LGI2: variants seen among roughly 807,000 people sequenced by gnomAD.
LGI2 encodes leucine-rich repeat LGI family member 2.
In LGI2, 30 loss-of-function variants were observed where a neutral mutation model predicts 52.0. That is an observed-to-expected ratio of 0.58 (90% CI 0.43 to 0.78). The LOEUF (loss-of-function observed/expected upper bound fraction) is 0.78, where lower values mean the gene tolerates loss of function less well. Ranked by LOEUF, LGI2 falls within the 30% of genes least tolerant of loss-of-function variation. LGI2 has a pLI of 0.00. For synonymous variants in LGI2, 270 were observed against 271.8 expected (o/e 0.99, Z 0.06); for missense variants, 573 against 692.5 (o/e 0.83, Z 1.94).
chr4:25,025,874 C>T (rs1288167485), intron 3 of LGI2, among the ~76,000 whole-genome samples: 3 of 152,156 alleles, frequency 2.0e-5, no homozygotes, highest in South Asian at 2.1e-4. Flanking sequence ...GATGAACTAT[C>T]GTAAGAGAAA....
rs572547530 is a variant in LGI2 at position 25,016,037 on chromosome 4, TGAGA to T, written c.655+1948_655+1951del. Reference sequence around the variant, plus strand: ...CTTGTTCATGAAGACAAATACTGCATGAGACAGAGAAGGCTCTAAAATGTGTTAA... The same window carrying T: ...CTTGTTCATGAAGACAAATACTGCATCAGAGAAGGCTCTAAAATGTGTTAA... On this transcript the variant is annotated intron_variant, in intron 6 of 7. Transcript: ENST00000382114. Among the ~76,000 whole-genome samples the T allele has an allele frequency of 1.5e-3, 235 of 152,326 alleles. 2 individuals carry two copies. Among genetic ancestry groups the T allele is most frequent in the African/African-American group, 5.4e-3 (224 of 41,584 alleles).
chr4:25,003,393 T>C lies in LGI2; in HGVS notation c.*58A>G. ...GCTTTGATTTGTTTGTTGATTTTTC[T>C]TGGTCCTCTTTTGTGAGAGCTAATG... On this transcript the variant is annotated 3_prime_UTR_variant, in exon 8 of 8. Transcript: ENST00000382114. The C allele has an allele frequency of 8.2e-7, 1 of 1,213,314 alleles. No individual in the cohort carries two copies. The highest frequency in any genetic ancestry group is 1.2e-6 in the Non-Finnish European group (1 of 868,386). The allele number at this position is 1,213,314 out of a possible 1,614,324, so 75.2% of individuals were successfully genotyped here.
intron 5 of LGI2, among the ~76,000 whole-genome samples, chr4:25,018,410 C>T (rs1036989311): frequency 6.6e-6 from 1 of 152,206 alleles, no homozygotes; most frequent in Non-Finnish European, 1.5e-5. Flanking sequence ...TCAGCGAGGA[C>T]ATATCATCTC....
chr4:25,024,729 G>T, intron 4 of LGI2, 91 bp downstream of exon 4: 3 of 819,684 alleles, frequency 3.7e-6, no homozygotes. Flanking sequence ...ATTTCCTTCA[G>T]GGACAGTTAC....
chr4:25,017,959 T>C (rs1440242973), intron 6 of LGI2, 30 bp downstream of exon 6: 1 of 1,552,538 alleles, frequency 6.4e-7, no homozygotes, highest in Admixed American at 2.0e-5. Flanking sequence ...ATTCTAAATA[T>C]CCGTGTCTGA....
Position 25,030,815 on chromosome 4 carries a change from T to G in LGI2, c.-122A>C, listed in dbSNP as rs1057322212. 1.8e-4 allele frequency: 80 copies of G among 439,410 alleles called. No homozygotes were observed. In the Middle Eastern group the frequency reaches 3.1e-3, roughly 17 times the overall value. The allele number at this position is 439,410 out of a possible 1,614,324, so 27.2% of individuals were successfully genotyped here. A position where few individuals can be genotyped will look rare whatever the true frequency, so the allele number is the denominator to read the frequency against. On this transcript the variant is annotated 5_prime_UTR_variant, in exon 1 of 8. Transcript: ENST00000382114. ...TGCCGCCGCCGCTGCTGGCGAGGAC[T>G]AGGGAGCCGCGGGTGTGGGAGGCCG...
chr4:25,016,555 A>C (rs989304063), intron 6 of LGI2, among the ~76,000 whole-genome samples: 1 of 152,224 alleles, frequency 6.6e-6, no homozygotes, highest in African/African-American at 2.4e-5. Flanking sequence ...ACTGTGGGGC[A>C]CCTGTCAATT....
chr4:24,999,690 A>G lies in LGI2; in HGVS notation c.*3761T>C, dbSNP rs539976526. Reference sequence around the variant, plus strand: ...ACCTTCATTATACCCCAGGCCAGAGAAATTTCCATCATGAGCACTCCTGAC... The same window carrying G: ...ACCTTCATTATACCCCAGGCCAGAGGAATTTCCATCATGAGCACTCCTGAC... On this transcript the variant is annotated 3_prime_UTR_variant, in exon 8 of 8. Transcript: ENST00000382114. The G allele has an allele frequency of 2.6e-6, 1 of 385,146 alleles. No individual in the cohort carries two copies. The highest frequency in any genetic ancestry group is 1.9e-5 in the South Asian group (1 of 51,942). 23.9% of individuals were successfully genotyped at this position (385,146 alleles called of 1,614,324 possible). A position where few individuals can be genotyped will look rare whatever the true frequency, so the allele number is the denominator to read the frequency against.
chr4:25,028,027 A>G (rs1413206251), intron 2 of LGI2, among the ~76,000 whole-genome samples: 1 of 152,236 alleles, frequency 6.6e-6, no homozygotes, highest in Non-Finnish European at 1.5e-5. Context: ...ATGGGATCAT[A>G]AGCATGCCTT....
At chr4:25,010,945 A>C (rs925089162) in intron 7 of LGI2, among the ~76,000 whole-genome samples, 1 of 151,980 alleles carries the variant, frequency 6.6e-6, no homozygotes, top group African/African-American at 2.4e-5. Context: ...AGCTGGGTGC[A>C]GTGGTGTGTG....
In LGI2 at chr4:24,998,938, A is replaced by ATG. The variant is rs1440668550; in HGVS notation, c.*4512_*4513insCA. On this transcript the variant is annotated 3_prime_UTR_variant, in exon 8 of 8. Coordinates refer to ENST00000382114, the MANE Select transcript of LGI2 (RefSeq NM_018176.4). Reference sequence around the variant, plus strand: ...TATACCCTATTTACCAAAAAGAGCTAAATATGTATACAGCCTAAAATACAT... The same window carrying ATG: ...TATACCCTATTTACCAAAAAGAGCTATGAATATGTATACAGCCTAAAATACAT... The ATG allele has an allele frequency of 6.6e-6, 1 of 152,266 alleles. No individual in the cohort carries two copies. Among genetic ancestry groups the ATG allele is most frequent in the Non-Finnish European group, 1.5e-5 (1 of 68,048 alleles). 9.4% of individuals were successfully genotyped at this position (152,266 alleles called of 1,614,324 possible). A position where few individuals can be genotyped will look rare whatever the true frequency, so the allele number is the denominator to read the frequency against.
At chr4:25,005,699 G>T (rs1234488723) in intron 7 of LGI2, among the ~76,000 whole-genome samples, 1 of 152,142 alleles carries the variant, frequency 6.6e-6, no homozygotes, top group Non-Finnish European at 1.5e-5. Context: ...GGTCTCAGAG[G>T]CAGGAGAAAA....
rs1005767458 is a variant in LGI2, at chr4:25,030,236, G to A, written c.197+261C>T. Among the ~76,000 whole-genome samples, 117 of 152,352 alleles carry A rather than the reference G, an allele frequency of 7.7e-4. 1 individual carries two copies. Among genetic ancestry groups the A allele is most frequent in the African/African-American group, 2.6e-3 (109 of 41,592 alleles). On this transcript the variant is annotated intron_variant, in intron 1 of 7. Transcript: ENST00000382114. The stretch of plus-strand genomic sequence containing the variant: ...TGCATTGGCACAAGCTTCCCCAGGT[G>A]AGTCTGATGCAGGTGGCCCGTGGGC...
intron 4 of LGI2, among the ~76,000 whole-genome samples, chr4:25,022,020 C>A (rs4510458): frequency 0.35 from 53,699 of 151,694 alleles, 12,395 homozygotes; most frequent in African/African-American, 0.66. Context: ...GCCATCCATC[C>A]ATTAGCAAAT....
chr4:25,027,201 T>C (rs1177288962), intron 2 of LGI2, among the ~76,000 whole-genome samples: 1 of 152,204 alleles, frequency 6.6e-6, no homozygotes, highest in Non-Finnish European at 1.5e-5. Context: ...GTAAATATGA[T>C]CTGATAGCTG....
chr4:24,993,498 C>T, the LGI2 span, among the ~76,000 whole-genome samples: 2 of 152,138 alleles, frequency 1.3e-5, no homozygotes, highest in East Asian at 1.9e-4. Context: ...AATTGAGGTA[C>T]ACTTTGGGAC....
At position 25,003,258 on chromosome 4, in the gene LGI2, C is replaced by T. The variant is rs1218198147; in HGVS notation, c.*193G>A. The T allele has an allele frequency of 2.0e-6, 1 of 491,446 alleles. No individual in the cohort carries two copies. The highest frequency in any genetic ancestry group is 3.5e-6 in the Non-Finnish European group (1 of 282,420). 30.4% of individuals were successfully genotyped at this position (491,446 alleles called of 1,614,324 possible). On this transcript the variant is annotated 3_prime_UTR_variant, in exon 8 of 8. Coordinates refer to ENST00000382114, the MANE Select transcript of LGI2 (RefSeq NM_018176.4). ...ATTTTTTTTTAAATGGTAGAATGGG[C>T]ATGTCATGCAGTTAGCCAATAAATG...
intron 4 of LGI2, among the ~76,000 whole-genome samples, chr4:25,021,107 CAAAA>C (rs11445051): frequency 7.6e-6 from 1 of 132,152 alleles, no homozygotes; most frequent in Non-Finnish European, 1.7e-5. Context: ...TGGTCAAAGC[CAAAA>C]AAAAAAAAAG....
intron 3 of LGI2, among the ~76,000 whole-genome samples, chr4:25,025,399 C>T (rs576166611): frequency 2.0e-5 from 3 of 152,234 alleles, no homozygotes; most frequent in Middle Eastern, 3.4e-3. Flanking sequence ...TTGAGTTTAT[C>T]GTGTCCTACA....
Sources: allele counts gnomAD v4.1 joint callset (sites outside exome capture counted in the v4.1 genomes callset), GRCh38; gene constraint gnomAD v4.1.1; transcripts MANE v1.5; gene names NCBI Gene and HGNC (gene_info 2026-07-23, HGNC 2026-07-21).